Variants in PCNX2 observed in about 807,000 individuals in gnomAD.
The protein encoded by PCNX2 is pecanex 2.
In PCNX2, 168 loss-of-function variants were observed where a neutral mutation model predicts 223.8. That is an observed-to-expected ratio of 0.75 (90% CI 0.66 to 0.85). PCNX2 has a LOEUF of 0.85. Ranked by LOEUF, PCNX2 falls within the 40% of genes least tolerant of loss-of-function variation. PCNX2 has a pLI of 0.00. For missense variants in PCNX2, 2,507 were observed against 2,675.5 expected, an observed-to-expected ratio of 0.94 and a Z score of 1.39; for synonymous variants, 1,006 against 1,052.6, an observed-to-expected ratio of 0.96 and a Z score of 0.86.
chr1:233,175,517 G>C (rs1363012122), intron 17 of PCNX2, among the ~76,000 whole-genome samples: 2 of 152,224 alleles, frequency 1.3e-5, no homozygotes, highest in South Asian at 2.1e-4. Flanking sequence ...ATGAAATCAA[G>C]GAAGATTGAA....
At chr1:233,059,594 T>G (rs1339834909) in intron 23 of PCNX2, among the ~76,000 whole-genome samples, 1 of 152,240 alleles carries the variant, frequency 6.6e-6, no homozygotes, top group African/African-American at 2.4e-5. Context: ...TATCTGACTC[T>G]TACATCAGTC....
intron 21 of PCNX2, among the ~76,000 whole-genome samples, chr1:233,108,287 C>G (rs922504644): frequency 2.6e-5 from 4 of 152,174 alleles, no homozygotes; most frequent in African/African-American, 9.7e-5. Flanking sequence ...GATTGGGAAT[C>G]CTTTCCTGTA....
rs118099356 is a variant in PCNX2 at position 233,139,862 on chromosome 1, G to T, written c.3518-7C>A. On this transcript the variant is annotated splice_region_variant and splice_polypyrimidine_tract_variant and intron_variant, in intron 19 of 33. Coordinates refer to ENST00000258229, the MANE Select transcript of PCNX2 (RefSeq NM_014801.4). This position sits in a 1 kb window ranked among gnomAD's most constrained non-coding sequence, Gnocchi z 4.4. The stretch of plus-strand genomic sequence containing the variant: ...CACATTAAATGGGCAACATCTGAAA[G>T]AAATATAAAAACCACTTAGAACAAC... 4,952 of 1,609,078 alleles carry T rather than the reference G, an allele frequency of 3.1e-3. 161 individuals carry two copies. In the East Asian group the frequency reaches 0.065, roughly 21 times the overall value.
At chr1:233,326,560 A>G in the PCNX2 span, among the ~76,000 whole-genome samples, 4 of 152,196 alleles carry the variant, frequency 2.6e-5, no homozygotes, top group African/African-American at 9.7e-5. Flanking sequence ...GAAATAAAGA[A>G]ACTTGCTCAA....
the PCNX2 span, among the ~76,000 whole-genome samples, chr1:233,310,106 A>G: frequency 1.3e-5 from 2 of 152,196 alleles, no homozygotes; most frequent in Non-Finnish European, 2.9e-5. Context: ...ATCTGAGTCT[A>G]TATTCATGAA....
intron 8 of PCNX2, among the ~76,000 whole-genome samples, chr1:233,246,776 G>C (rs1463949407): frequency 1.3e-5 from 2 of 152,128 alleles, no homozygotes; most frequent in Non-Finnish European, 2.9e-5. Context: ...TACCATTAGA[G>C]ATACAGCGAT....
intron 17 of PCNX2, chr1:233,167,677 C>T (rs1678881694): frequency 2.2e-6 from 2 of 915,578 alleles, no homozygotes; most frequent in Non-Finnish European, 2.6e-6. Context: ...GTGTTATATA[C>T]TTTAAATATA....
chr1:233,105,711 G>T (rs888855358), intron 21 of PCNX2, among the ~76,000 whole-genome samples: 1 of 152,134 alleles, frequency 6.6e-6, no homozygotes, highest in Admixed American at 6.5e-5. Context: ...TAAAGGAAAC[G>T]CAACAAGCCC....
intron 26 of PCNX2, chr1:233,018,943 G>A: frequency 1.3e-5 from 13 of 985,462 alleles, no homozygotes; most frequent in Non-Finnish European, 1.4e-5. Flanking sequence ...AGTCTTCAGT[G>A]ACTGACGCTT....
chr1:233,296,002 C>CTTTTTTTTTTT (rs61285792), upstream of PCNX2, among the ~76,000 whole-genome samples: 1 of 134,518 alleles, frequency 7.4e-6, no homozygotes, highest in Admixed American at 7.7e-5. Context: ...TTCTTTCTTT[C>CTTTTTTTTTTT]TTTTTTTTTT....
At chr1:233,231,808 G>T in intron 9 of PCNX2, 1 of 331,396 alleles carries the variant, frequency 3.0e-6, no homozygotes, top group Non-Finnish European at 4.3e-6. Context: ...TGCCAAGGAG[G>T]ATGTGAGCAT....
At chr1:233,081,539 G>C (rs569995706) in intron 23 of PCNX2, among the ~76,000 whole-genome samples, 4 of 152,242 alleles carry the variant, frequency 2.6e-5, no homozygotes, top group Middle Eastern at 3.4e-3. Flanking sequence ...GGGCCATGGA[G>C]AAGCATCAGG....
chr1:233,044,234 C>T lies in PCNX2; in HGVS notation c.4351+10034G>A, dbSNP rs530634048. On this transcript the variant is annotated intron_variant, in intron 25 of 33. Coordinates refer to ENST00000258229, the MANE Select transcript of PCNX2 (RefSeq NM_014801.4). ...TTGAGAAGCGTCTGTTCATGTCCTT[C>T]GCCCACTTTTTGATGGGATTGTTTG... is the stretch of plus-strand genomic sequence containing the variant. Among the ~76,000 whole-genome samples the T allele has an allele frequency of 3.7e-3, 570 of 152,244 alleles. 4 individuals are homozygous for T. The highest frequency in any genetic ancestry group is 6.6e-3 in the South Asian group (32 of 4,814).
chr1:233,005,036 G>A lies in PCNX2; in HGVS notation c.4953-3355C>T, dbSNP rs566559858. On this transcript the variant is annotated intron_variant, in intron 28 of 33. Transcript: ENST00000258229. ...GTCAGGCTGCAGGTAGGCTGATGCC[G>A]AGAGTGGAGGCTTCGAAACATGAAT... is the stretch of plus-strand genomic sequence containing the variant. Among the ~76,000 whole-genome samples the A allele has an allele frequency of 5.7e-4, 87 of 152,176 alleles. 1 individual carries two copies. The highest frequency in any genetic ancestry group is 9.1e-4 in the Non-Finnish European group (62 of 68,038).
At chr1:233,305,496 A>G in the PCNX2 span, among the ~76,000 whole-genome samples, 1 of 152,034 alleles carries the variant, frequency 6.6e-6, no homozygotes, top group East Asian at 1.9e-4. Flanking sequence ...CCCAGGCTGG[A>G]GTGAAGTGGT....
chr1:233,160,527 T>C (rs1348829602), intron 18 of PCNX2, 94 bp from the exon 19 acceptor site: 9 of 1,364,628 alleles, frequency 6.6e-6, no homozygotes, highest in Non-Finnish European at 9.1e-6. Flanking sequence ...TCCTTCCACT[T>C]TTTCCTCTTA....
At chr1:233,242,706 C>CA (rs1265458342) in intron 8 of PCNX2, among the ~76,000 whole-genome samples, 1 of 152,222 alleles carries the variant, frequency 6.6e-6, no homozygotes, top group Non-Finnish European at 1.5e-5. Context: ...CACTCTGCAA[C>CA]AAACCCTCTG....
At chr1:233,028,773 G>T (rs1302754826) in intron 25 of PCNX2, among the ~76,000 whole-genome samples, 2 of 151,436 alleles carry the variant, frequency 1.3e-5, no homozygotes, top group African/African-American at 4.9e-5. Context: ...AGGACTGGGT[G>T]AAAGTCTACT....
chr1:233,211,719 T>A (rs1434314534), intron 12 of PCNX2: 1 of 947,004 alleles, frequency 1.1e-6, no homozygotes, highest in African/African-American at 1.8e-5. Context: ...GAGGCATGCA[T>A]GTGGCACTGG....
Sources: gnomAD v4.1 joint callset for allele counts (sites outside exome capture counted in the v4.1 genomes callset) on GRCh38, gnomAD v4.1.1 for gene constraint, Gnocchi (gnomAD v3.1) non-coding constraint, MANE v1.5 for transcripts, NCBI Gene and HGNC (gene_info 2026-07-23, HGNC 2026-07-21) for gene names.